GOLGA6L7: variants seen among roughly 807,000 people sequenced by gnomAD.
The protein encoded by GOLGA6L7 is golgin A6 family like 7.
A neutral mutation model predicts 68.9 loss-of-function variants in GOLGA6L7; 29 were observed. The ratio of observed to expected loss-of-function variants is 0.42; its 90% CI spans 0.31 to 0.57. GOLGA6L7 has a LOEUF of 0.57. Among genes scored for constraint, GOLGA6L7 ranks in the 20% least tolerant of loss-of-function variants. The pLI is 0.13. For synonymous variants in GOLGA6L7, 133 were observed against 197.4 expected, an observed-to-expected ratio of 0.67 and a Z score of 2.73; for missense variants, 396 against 588.4, an observed-to-expected ratio of 0.67 and a Z score of 3.38.
chr15:28,842,186 A>G lies in GOLGA6L7; in HGVS notation c.*49T>C, dbSNP rs2030209785. ...AAGTTTGTTCTCAGACTGTATTCACAAGGTCACATGGCGGCTTACACTTCT... is the reference window on the plus strand; with the variant it reads ...AAGTTTGTTCTCAGACTGTATTCACGAGGTCACATGGCGGCTTACACTTCT... On this transcript the variant is annotated 3_prime_UTR_variant, in exon 9 of 9. Coordinates refer to ENST00000567390, the MANE Select transcript of GOLGA6L7 (RefSeq NM_001365371.2). The G allele has an allele frequency of 1.2e-5, 15 of 1,217,746 alleles. No homozygotes were observed. Among genetic ancestry groups the G allele is most frequent in the South Asian group, 8.5e-5 (2 of 23,416 alleles). The allele number at this position is 1,217,746 out of a possible 1,614,324, so 75.4% of individuals were successfully genotyped here.
rs895041145 is a variant in GOLGA6L7 at position 28,844,279 on chromosome 15, G to A, written c.463-16C>T. The stretch of plus-strand genomic sequence containing the variant: ...CCTTGATGTACTGCAAACAGAGAAA[G>A]GTCAAGTCAGGATACAGCAGGCAGA... On this transcript the variant is annotated splice_polypyrimidine_tract_variant and intron_variant, in intron 6 of 8. Coordinates refer to ENST00000567390, the MANE Select transcript of GOLGA6L7 (RefSeq NM_001365371.2). 1 of 462,384 alleles carries A rather than the reference G, an allele frequency of 2.2e-6. No homozygotes were observed. The highest frequency in any genetic ancestry group is 5.1e-5 in the South Asian group (1 of 19,470). 28.6% of individuals were successfully genotyped at this position (462,384 alleles called of 1,614,324 possible).
intron 6 of GOLGA6L7, 126 bp downstream of exon 6, chr15:28,845,403 A>G: frequency 1.4e-6 from 1 of 698,862 alleles, no homozygotes; most frequent in Non-Finnish European, 2.6e-6. Flanking sequence ...CACGCACAAA[A>G]GCAGCAAGAA....
At chr15:28,845,468 G>C (rs1459812971) in intron 6 of GOLGA6L7, 61 bp downstream of exon 6, 2 of 701,502 alleles carry the variant, frequency 2.9e-6, no homozygotes, top group Non-Finnish European at 5.2e-6. Flanking sequence ...GGGACCTTTA[G>C]GCTCATTCCT....
chr15:28,844,351 G>T (rs1386033757), intron 6 of GOLGA6L7, 88 bp from the exon 7 acceptor site: 1 of 406,192 alleles, frequency 2.5e-6, no homozygotes, highest in Admixed American at 4.3e-5. Context: ...ATACTCCACA[G>T]TAACACTTGC....
Position 28,842,191 on chromosome 15 carries a change from C to A in GOLGA6L7, c.*44G>T. Reference sequence around the variant, plus strand: ...TGTTCTCAGACTGTATTCACAAGGTCACATGGCGGCTTACACTTCTGTAGG... The same window carrying A: ...TGTTCTCAGACTGTATTCACAAGGTAACATGGCGGCTTACACTTCTGTAGG... On this transcript the variant is annotated 3_prime_UTR_variant, in exon 9 of 9. Transcript: ENST00000567390. 1 of 1,220,854 alleles carries A rather than the reference C, an allele frequency of 8.2e-7. No homozygotes were observed. The highest frequency in any genetic ancestry group is 1.0e-6 in the Non-Finnish European group (1 of 978,376). 75.6% of individuals were successfully genotyped at this position (1,220,854 alleles called of 1,614,324 possible).
In GOLGA6L7 at chr15:28,845,553, G is replaced by C; in HGVS notation, c.438C>G (p.Ser146=). 1 of 743,674 alleles carries C rather than the reference G, an allele frequency of 1.3e-6. No homozygotes were observed. The highest frequency in any genetic ancestry group is 2.4e-6 in the Non-Finnish European group (1 of 422,556). The allele number at this position is 743,674 out of a possible 1,614,324, so 46.1% of individuals were successfully genotyped here. A position where few individuals can be genotyped will look rare whatever the true frequency, so the allele number is the denominator to read the frequency against. The part of the protein sequence containing the change: ...GELQRALSAM[S]AEHERADKYI... ...CCTTGTCCGCCCTCTCGTGCTCTGC[G>C]GACATAGCAGAGAGAGCCCGCTGTA... The change falls in exon 6 of 9, where the codon TCC becomes TCG. Residue 146 remains serine, a synonymous_variant. Transcript: ENST00000567390.
chr15:28,848,545 A>G lies in GOLGA6L7; in HGVS notation c.5T>C (p.Met2Thr), dbSNP rs1422805725. 2.8e-6 allele frequency: 2 copies of G among 705,746 alleles called. No individual in the cohort carries two copies. The highest frequency in any genetic ancestry group is 1.5e-5 in the South Asian group (1 of 67,898). 43.7% of individuals were successfully genotyped at this position (705,746 alleles called of 1,614,324 possible). Reference sequence around the variant, plus strand: ...TTTTCTTTGTTGGGTTTTTTCGGACATCATGGGGTGGGGAGGGTGGTGGGG... The same window carrying G: ...TTTTCTTTGTTGGGTTTTTTCGGACGTCATGGGGTGGGGAGGGTGGTGGGG... M[M>T]SEKTQQRKLA... is the part of the protein sequence containing the mutation. The change falls in exon 1 of 9, where the codon ATG becomes ACG. Residue 2 changes from methionine (M) to threonine (T), a missense_variant. Physicochemically the swap from Met to Thr is moderately conservative, Grantham distance 81. Transcript: ENST00000567390.
chr15:28,842,571 C>T lies in GOLGA6L7; in HGVS notation c.1533G>A (p.Glu511=), dbSNP rs1252278256. ...TCTTCTCCTCCTCCTCCTGCATCTT[C>T]TCATACTCATCCCACAGCCTCTCCT... is the stretch of plus-strand genomic sequence containing the variant. ...FKEERLWDEY[E]KMQEEEEKIR... is the part of the protein sequence containing the mutation. The change falls in exon 9 of 9, where the codon GAG becomes GAA. Residue 511 remains glutamate, a synonymous_variant. Coordinates refer to ENST00000567390, the MANE Select transcript of GOLGA6L7 (RefSeq NM_001365371.2). 1.6e-6 allele frequency: 2 copies of T among 1,276,162 alleles called. No homozygotes were observed. Among genetic ancestry groups the T allele is most frequent in the Admixed American group, 3.8e-5 (1 of 26,320 alleles). 79.1% of individuals were successfully genotyped at this position (1,276,162 alleles called of 1,614,324 possible).
chr15:28,844,222 C>T lies in GOLGA6L7; in HGVS notation c.504G>A (p.Leu168=), dbSNP rs1411608832. The change falls in exon 7 of 9, where the codon CTG becomes CTA. Residue 168 remains leucine (L), a synonymous_variant. Transcript: ENST00000567390. ...ELTKEREAMS[L]ELFRNIITNK... is the part of the protein sequence containing the mutation. The stretch of plus-strand genomic sequence containing the variant: ...TATCCTACATGTTCCTGAACAGCTC[C>T]AGACTCATGGCTTCCCTCTCCTTTG... 8.0e-6 allele frequency: 4 copies of T among 500,896 alleles called. No homozygotes were observed. Among genetic ancestry groups the T allele is most frequent in the Non-Finnish European group, 1.4e-5 (4 of 290,484 alleles). 31.0% of individuals were successfully genotyped at this position (500,896 alleles called of 1,614,324 possible).
Position 28,842,117 on chromosome 15 carries a change from C to T in GOLGA6L7, c.*118G>A, listed in dbSNP as rs555321558. 1.9e-4 allele frequency: 177 copies of T among 912,976 alleles called. 1 individual carries two copies. Among genetic ancestry groups the T allele is most frequent in the Middle Eastern group, 1.2e-3 (3 of 2,560 alleles). 56.6% of individuals were successfully genotyped at this position (912,976 alleles called of 1,614,324 possible). On this transcript the variant is annotated 3_prime_UTR_variant, in exon 9 of 9. Coordinates refer to ENST00000567390, the MANE Select transcript of GOLGA6L7 (RefSeq NM_001365371.2). ...GATTACAGGTGCAGGCCACCGTGCC[C>T]GGCCAGTATTTTGCCACAATTTAAA...
In GOLGA6L7 at chr15:28,848,527, T is replaced by C; in HGVS notation, c.23A>G (p.Gln8Arg). The change falls in exon 1 of 9, where the codon CAA becomes CGA. Residue 8 changes from glutamine to arginine, a missense_variant. This residue lies in a region of GOLGA6L7 where 18 missense variants were observed against 56.5 expected (regional missense o/e 0.32). Coordinates refer to ENST00000567390, the MANE Select transcript of GOLGA6L7 (RefSeq NM_001365371.2). ...TTTCTTGGTCCCAGCCAATTTTCTT[T>C]GTTGGGTTTTTTCGGACATCATGGG... MMSEKTQ[Q>R]RKLAGTKKKF... The C allele has an allele frequency of 2.8e-6, 2 of 703,010 alleles. No individual in the cohort carries two copies. The highest frequency in any genetic ancestry group is 5.2e-6 in the Non-Finnish European group (2 of 385,162). The allele number at this position is 703,010 out of a possible 1,614,324, so 43.5% of individuals were successfully genotyped here. A position where few individuals can be genotyped will look rare whatever the true frequency, so the allele number is the denominator to read the frequency against.
chr15:28,844,431 T>TTTA (rs1491334668), intron 6 of GOLGA6L7, among the ~76,000 whole-genome samples, 168 bp from the exon 7 acceptor site: 1 of 81,286 alleles, frequency 1.2e-5, no homozygotes, highest in African/African-American at 8.2e-5. Context: ...TTTTCTTTTC[T>TTTA]TTTTTTTTTT....
intron 1 of GOLGA6L7, 52 bp downstream of exon 1, chr15:28,848,447 G>C (rs2030522827): frequency 2.9e-6 from 2 of 700,116 alleles, no homozygotes; most frequent in Admixed American, 4.0e-5. Context: ...TGCCATCAGA[G>C]GGGACCTGGG....
At chr15:28,847,878 G>A (rs1316215636) in intron 1 of GOLGA6L7, among the ~76,000 whole-genome samples, 10 of 152,222 alleles carry the variant, frequency 6.6e-5, no homozygotes, top group Non-Finnish European at 1.5e-4. Context: ...CAGAACCATG[G>A]AGAATTCAAA....
Position 28,842,237 on chromosome 15 carries a change from A to C in GOLGA6L7, c.1867T>G (p.Ter623GluextTer11). 8.1e-7 allele frequency: 1 copy of C among 1,228,564 alleles called. No homozygotes were observed. Among genetic ancestry groups the C allele is most frequent in the Non-Finnish European group, 1.0e-6 (1 of 984,488 alleles). The allele number at this position is 1,228,564 out of a possible 1,614,324, so 76.1% of individuals were successfully genotyped here. A position where few individuals can be genotyped will look rare whatever the true frequency, so the allele number is the denominator to read the frequency against. The change falls in exon 9 of 9, where the codon TAA becomes GAA. Residue 623 changes from the stop codon to glutamate (E), a stop_lost. Coordinates refer to ENST00000567390, the MANE Select transcript of GOLGA6L7 (RefSeq NM_001365371.2). The stretch of plus-strand genomic sequence containing the variant: ...GTAGGCCTTGTTGACCGTTCTTTTT[A>C]GATACTGATGATCTTGATCTTTTTC... ...DKKKIKIISI* is the reference protein window; with the variant it reads ...DKKKIKIISIE
chr15:28,844,384 G>A (rs1416045787), intron 6 of GOLGA6L7, 121 bp from the exon 7 acceptor site: 9 of 372,740 alleles, frequency 2.4e-5, no homozygotes, highest in African/African-American at 8.5e-5. Flanking sequence ...CACCCGACAT[G>A]TTCTCAAGGC....
At chr15:28,843,954 C>G in intron 7 of GOLGA6L7, 79 bp from the exon 8 acceptor site, 1 of 672,520 alleles carries the variant, frequency 1.5e-6, no homozygotes, top group South Asian at 2.0e-5. Context: ...CTACCCTCGC[C>G]CCACAACCAC....
chr15:28,844,495 A>G (rs1225030596), intron 6 of GOLGA6L7, among the ~76,000 whole-genome samples: 4 of 136,778 alleles, frequency 2.9e-5, no homozygotes, highest in Non-Finnish European at 4.6e-5. Flanking sequence ...CAATGGCGCG[A>G]TCTCACCCCA....
Position 28,842,080 on chromosome 15 carries a change from C to T in GOLGA6L7, c.*155G>A. On this transcript the variant is annotated 3_prime_UTR_variant, in exon 9 of 9. Coordinates refer to ENST00000567390, the MANE Select transcript of GOLGA6L7 (RefSeq NM_001365371.2). ...TTGGTGATCCACCCGCCTAGGCCTC[C>T]CAAAGTGGTGTGATTACAGGTGCAG... The T allele has an allele frequency of 1.8e-6, 1 of 567,520 alleles. No homozygotes were observed. The allele number at this position is 567,520 out of a possible 1,614,324, so 35.2% of individuals were successfully genotyped here. A position where few individuals can be genotyped will look rare whatever the true frequency, so the allele number is the denominator to read the frequency against.
Sources: allele counts gnomAD v4.1 joint callset (sites outside exome capture counted in the v4.1 genomes callset), GRCh38; gene constraint gnomAD v4.1.1; regional missense constraint gnomAD v4.1.1; transcripts MANE v1.5; gene names NCBI Gene and HGNC (gene_info 2026-07-23, HGNC 2026-07-21).